Variants in FOXP1 observed in about 807,000 individuals in gnomAD.
The protein encoded by FOXP1 is forkhead box P1.
FOXP1 carries 15 observed loss-of-function variants against 98.2 expected under a neutral mutation model. The ratio of observed to expected loss-of-function variants is 0.15; its 90% CI spans 0.10 to 0.24. The LOEUF (loss-of-function observed/expected upper bound fraction) is 0.24. Among genes scored for constraint, FOXP1 ranks in the 10% least tolerant of loss-of-function variants. The pLI, the probability that FOXP1 is intolerant of heterozygous loss-of-function variation, is 1.00. For missense variants in FOXP1, 633 were observed against 848.5 expected, an observed-to-expected ratio of 0.75 and a Z score of 3.15; for synonymous variants, 371 against 314.5, an observed-to-expected ratio of 1.18 and a Z score of -1.90.
chr3:71,319,161 C>T (rs1056134091), intron 4 of FOXP1, among the ~76,000 whole-genome samples: 2 of 152,196 alleles, frequency 1.3e-5, no homozygotes, highest in Admixed American at 6.5e-5. Context: ...CAAACACACA[C>T]ATTTTCAAAT....
intron 7 of FOXP1, among the ~76,000 whole-genome samples, chr3:71,073,282 C>T (rs1478400821): frequency 1.3e-5 from 2 of 152,226 alleles, no homozygotes. Flanking sequence ...GTTCACCCAT[C>T]CCACTGGGCT....
chr3:71,318,064 C>G (rs896670676), intron 4 of FOXP1, among the ~76,000 whole-genome samples: 22 of 151,952 alleles, frequency 1.4e-4, no homozygotes, highest in African/African-American at 5.3e-4. Context: ...TTTATATAAC[C>G]CTGTACACTG....
intron 3 of FOXP1, among the ~76,000 whole-genome samples, chr3:71,488,737 G>A (rs1313760206): frequency 1.3e-5 from 2 of 152,138 alleles, no homozygotes; most frequent in African/African-American, 4.8e-5. Context: ...CTTCGCATGC[G>A]GGAGCCCGAG....
intron 3 of FOXP1, among the ~76,000 whole-genome samples, chr3:71,362,302 C>G (rs2078625740): frequency 1.3e-5 from 2 of 152,032 alleles, no homozygotes; most frequent in African/African-American, 4.8e-5. Flanking sequence ...CTCCCGAGCA[C>G]CTGGGACTAC....
intron 4 of FOXP1, 38 bp downstream of exon 4, chr3:71,359,112 T>C (rs1271747097): frequency 1.3e-5 from 2 of 152,130 alleles, no homozygotes; most frequent in African/African-American, 4.8e-5. Context: ...ATGGCAATTT[T>C]TAGGTGGTAT....
intron 3 of FOXP1, among the ~76,000 whole-genome samples, chr3:71,486,129 C>T (rs1421569547): frequency 1.3e-5 from 2 of 152,006 alleles, no homozygotes; most frequent in East Asian, 4.0e-4. Context: ...TGGAATAAAA[C>T]CCACTTCTCA....
rs1220917822 is a variant in FOXP1 at position 70,957,021 on chromosome 3, G to C, written c.*2226C>G. ...ATCACAGCACAGTTCTTAAACAAAA[G>C]TGGCATACAATCTAAAAATATCTCT... On this transcript the variant is annotated 3_prime_UTR_variant, in exon 21 of 21. Transcript: ENST00000649528. The C allele has an allele frequency of 4.5e-6, 1 of 222,084 alleles. No homozygotes were observed. Among genetic ancestry groups the C allele is most frequent in the African/African-American group, 2.2e-5 (1 of 44,840 alleles). 13.8% of individuals were successfully genotyped at this position (222,084 alleles called of 1,614,324 possible). A position where few individuals can be genotyped will look rare whatever the true frequency, so the allele number is the denominator to read the frequency against.
At chr3:71,187,687 T>C (rs1051100724) in intron 6 of FOXP1, among the ~76,000 whole-genome samples, 2 of 152,148 alleles carry the variant, frequency 1.3e-5, no homozygotes, top group Admixed American at 6.5e-5. Flanking sequence ...GAAATAGAAA[T>C]TGAATGAGAA....
intron 5 of FOXP1, among the ~76,000 whole-genome samples, chr3:71,264,164 T>C (rs2069423634): frequency 6.6e-6 from 1 of 152,182 alleles, no homozygotes; most frequent in Non-Finnish European, 1.5e-5. Flanking sequence ...AAGAAGCATG[T>C]AACCATTGTA....
rs187597226 is a variant in FOXP1, at chr3:71,297,697, C to T, written c.-12+2123G>A. On this transcript the variant is annotated intron_variant, in intron 5 of 20. Coordinates refer to ENST00000649528, the MANE Select transcript of FOXP1 (RefSeq NM_001349338.3). The stretch of plus-strand genomic sequence containing the variant: ...GTGGTGCGATCTCAGTTCACTGCAA[C>T]CTCTGCCTCCCGGGTTTAAGTGATT... Among the ~76,000 whole-genome samples, 583 of 149,136 alleles carry T rather than the reference C, an allele frequency of 3.9e-3. 6 individuals are homozygous for T. The highest frequency in any genetic ancestry group is 5.4e-3 in the Non-Finnish European group (368 of 67,608).
At chr3:71,338,497 G>A (rs2076819758) in intron 4 of FOXP1, among the ~76,000 whole-genome samples, 1 of 152,032 alleles carries the variant, frequency 6.6e-6, no homozygotes, top group Non-Finnish European at 1.5e-5. Context: ...AGGCAATCTC[G>A]GCTCACTGCA....
intron 3 of FOXP1, among the ~76,000 whole-genome samples, chr3:71,394,868 A>G (rs2081268411): frequency 6.6e-6 from 1 of 152,142 alleles, no homozygotes; most frequent in South Asian, 2.1e-4. Flanking sequence ...TGGGAGGCCG[A>G]GACGGGCAGA....
At chr3:71,143,454 A>G (rs894095660) in intron 6 of FOXP1, among the ~76,000 whole-genome samples, 2 of 152,176 alleles carry the variant, frequency 1.3e-5, no homozygotes, top group African/African-American at 4.8e-5. Context: ...TGGAAGATGA[A>G]GCCAGAGGCC....
intron 7 of FOXP1, among the ~76,000 whole-genome samples, chr3:71,104,705 C>A (rs572080810): frequency 6.6e-6 from 1 of 152,242 alleles, no homozygotes; most frequent in African/African-American, 2.4e-5. Flanking sequence ...GGAAACCCAT[C>A]CACAACATTT....
At chr3:71,021,307 T>C (rs1473127771) in intron 11 of FOXP1, among the ~76,000 whole-genome samples, 2 of 152,232 alleles carry the variant, frequency 1.3e-5, no homozygotes, top group African/African-American at 2.4e-5. Context: ...TGTTCTTTTA[T>C]GCCTGGCTTC....
At chr3:71,257,602 A>C (rs1163307759) in intron 5 of FOXP1, among the ~76,000 whole-genome samples, 33 of 151,630 alleles carry the variant, frequency 2.2e-4, no homozygotes, top group Non-Finnish European at 4.3e-4. Context: ...AAAAAAAAAA[A>C]ATGCAGAATG....
At chr3:71,338,123 A>G (rs1314704151) in intron 4 of FOXP1, among the ~76,000 whole-genome samples, 1 of 152,252 alleles carries the variant, frequency 6.6e-6, no homozygotes, top group Non-Finnish European at 1.5e-5. Context: ...TCTAAGCAGG[A>G]TAAATGACAT....
At chr3:70,996,293 T>C (rs983930314) in intron 13 of FOXP1, among the ~76,000 whole-genome samples, 5 of 152,152 alleles carry the variant, frequency 3.3e-5, no homozygotes, top group African/African-American at 1.2e-4. Context: ...CGGCCTCAAG[T>C]CATATTTTAA....
chr3:71,559,321 T>G (rs1384508395), intron 2 of FOXP1, among the ~76,000 whole-genome samples: 1 of 152,240 alleles, frequency 6.6e-6, no homozygotes, highest in Admixed American at 6.5e-5. Context: ...GAATGAAAAC[T>G]GATAGAATGG....
Sources: gnomAD v4.1 joint callset for allele counts (sites outside exome capture counted in the v4.1 genomes callset) on GRCh38, gnomAD v4.1.1 for gene constraint, MANE v1.5 for transcripts, NCBI Gene and HGNC (gene_info 2026-07-23, HGNC 2026-07-21) for gene names.